Variants in ZC3H12B observed in about 807,000 individuals in gnomAD.
The protein encoded by ZC3H12B is probable ribonuclease ZC3H12B.
A neutral mutation model predicts 43.9 loss-of-function variants in ZC3H12B; 7 were observed. That is an observed-to-expected ratio of 0.16 (90% CI 0.09 to 0.30). ZC3H12B has a LOEUF of 0.30. Among genes scored for constraint, ZC3H12B ranks in the 10% least tolerant of loss-of-function variants. The pLI is 1.00. For synonymous variants in ZC3H12B, 222 were observed against 241.7 expected, an observed-to-expected ratio of 0.92 and a Z score of 0.76; for missense variants, 475 against 670.2, an observed-to-expected ratio of 0.71 and a Z score of 3.22.
chrX:65,080,619 G>T, the ZC3H12B span, among the ~76,000 whole-genome samples: 1 of 111,843 alleles, frequency 8.9e-6, no homozygotes, highest in East Asian at 2.8e-4. Flanking sequence ...CCCTAGAATA[G>T]TATATCTGGT....
At chrX:65,312,883 T>C in the ZC3H12B span, among the ~76,000 whole-genome samples, 3 of 111,749 alleles carry the variant, frequency 2.7e-5, no homozygotes, top group Non-Finnish European at 5.6e-5. Flanking sequence ...GTTTTTTGTT[T>C]TTTTTGTTTG....
chrX:65,303,716 A>G, the ZC3H12B span, among the ~76,000 whole-genome samples: 1 of 112,629 alleles, frequency 8.9e-6, no homozygotes. Context: ...GACACTAAGT[A>G]AATTTACAAA....
the ZC3H12B span, among the ~76,000 whole-genome samples, chrX:65,053,840 G>T: frequency 1.8e-5 from 2 of 111,822 alleles, no homozygotes; most frequent in African/African-American, 6.5e-5. Context: ...ATTTTGATTT[G>T]CATTTCTCTG....
chrX:65,428,017 T>C (rs190989096), intron 3 of ZC3H12B, among the ~76,000 whole-genome samples: 3 of 111,953 alleles, frequency 2.7e-5, no homozygotes, highest in East Asian at 5.6e-4. Context: ...TCTTTGTTGA[T>C]GAAGCTTAGT....
the ZC3H12B span, among the ~76,000 whole-genome samples, chrX:65,062,081 A>G: frequency 8.9e-6 from 1 of 112,248 alleles, no homozygotes. Context: ...TCAGATGGAT[A>G]GATTGCAAAA....
chrX:65,501,396 G>T (rs1043770180), intron 4 of ZC3H12B, among the ~76,000 whole-genome samples: 1 of 108,950 alleles, frequency 9.2e-6, no homozygotes, highest in South Asian at 4.0e-4. Context: ...GACTGCAGAC[G>T]TGCACCACCA....
At chrX:65,176,005 T>C in the ZC3H12B span, among the ~76,000 whole-genome samples, 2 of 111,732 alleles carry the variant, frequency 1.8e-5, no homozygotes, top group Non-Finnish European at 3.8e-5. Context: ...TTTTTTTTCA[T>C]GCCCCAGTGG....
At chrX:65,434,853 G>A (rs1007639123) in intron 3 of ZC3H12B, among the ~76,000 whole-genome samples, 2 of 111,236 alleles carry the variant, frequency 1.8e-5, no homozygotes, top group African/African-American at 3.3e-5. Flanking sequence ...AGATCCCTCA[G>A]GCAGAGGTGG....
the ZC3H12B span, among the ~76,000 whole-genome samples, chrX:65,090,645 T>C: frequency 9.0e-6 from 1 of 111,357 alleles, no homozygotes; most frequent in Non-Finnish European, 1.9e-5. Flanking sequence ...AATGTTACCT[T>C]ATATAGTAGA....
At chrX:65,120,107 T>G in the ZC3H12B span, among the ~76,000 whole-genome samples, 1 of 112,131 alleles carries the variant, frequency 8.9e-6, no homozygotes, top group Non-Finnish European at 1.9e-5. Flanking sequence ...TTCTTTTGAC[T>G]TAGGATTAAC....
chrX:65,156,571 G>A, the ZC3H12B span, among the ~76,000 whole-genome samples: 1 of 111,076 alleles, frequency 9.0e-6, no homozygotes, highest in African/African-American at 3.3e-5. Flanking sequence ...AGTAGAGACG[G>A]GGTTTCACCA....
intron 2 of ZC3H12B, among the ~76,000 whole-genome samples, chrX:65,389,960 A>ATGTTTATTG (rs1318178341): frequency 1.8e-5 from 2 of 112,208 alleles, no homozygotes. Flanking sequence ...ATGCACACGT[A>ATGTTTATTG]TGTTTATTGT....
chrX:65,106,705 C>T, the ZC3H12B span, among the ~76,000 whole-genome samples: 1 of 110,957 alleles, frequency 9.0e-6, no homozygotes, highest in Non-Finnish European at 1.9e-5. Context: ...GGAAAAAACA[C>T]ATGGGAAGGA....
the ZC3H12B span, among the ~76,000 whole-genome samples, chrX:65,314,981 T>C: frequency 9.0e-5 from 10 of 111,097 alleles, no homozygotes; most frequent in African/African-American, 3.3e-4. Context: ...AGAACAATCA[T>C]TAAAATGGTA....
chrX:65,123,159 G>C, the ZC3H12B span, among the ~76,000 whole-genome samples: 15,947 of 110,389 alleles, frequency 0.14, 2,728 homozygotes, highest in African/African-American at 0.5. Flanking sequence ...TTTGTCCTAG[G>C]CCTTTTCTGG....
chrX:65,159,669 C>A, the ZC3H12B span, among the ~76,000 whole-genome samples: 1 of 111,847 alleles, frequency 8.9e-6, no homozygotes, highest in East Asian at 2.8e-4. Context: ...TCGGCTGAGA[C>A]AATGGAGTTT....
chrX:65,058,858 C>A, the ZC3H12B span, among the ~76,000 whole-genome samples: 10 of 112,193 alleles, frequency 8.9e-5, no homozygotes, highest in Non-Finnish European at 1.5e-4. Context: ...GCTTCGTGGG[C>A]GTGTGACCCT....
chrX:65,068,627 C>G, the ZC3H12B span, among the ~76,000 whole-genome samples: 70 of 111,841 alleles, frequency 6.3e-4, no homozygotes, highest in Middle Eastern at 4.6e-3. Flanking sequence ...ATCGTTCATT[C>G]TTTCTACTTA....
At chrX:65,248,858 G>C in the ZC3H12B span, among the ~76,000 whole-genome samples, 4 of 111,858 alleles carry the variant, frequency 3.6e-5, no homozygotes, top group Admixed American at 9.5e-5. Flanking sequence ...TTTTATGTTT[G>C]TTGGTCATTT....
Sources: allele counts gnomAD v4.1 joint callset (sites outside exome capture counted in the v4.1 genomes callset), GRCh38; gene constraint gnomAD v4.1.1; transcripts MANE v1.5; gene names NCBI Gene and HGNC (gene_info 2026-07-23, HGNC 2026-07-21).